The following COL23A1 variants were observed in gnomAD, a reference collection of about 807,000 sequenced individuals.
COL23A1 encodes collagen type XXIII alpha 1 chain, also known as collagen alpha-1(XXIII) chain.
In COL23A1, 97 loss-of-function variants were observed where a neutral mutation model predicts 99.3. The ratio of observed to expected loss-of-function variants is 0.98; its 90% CI spans 0.83 to 1.16. The LOEUF (loss-of-function observed/expected upper bound fraction) is 1.16. Among genes scored for constraint, COL23A1 ranks in the 50% most tolerant of loss-of-function variants. The pLI, the probability that COL23A1 is intolerant of heterozygous loss-of-function variation, is 0.00. For missense variants in COL23A1, 762 were observed against 757.4 expected (o/e 1.01, Z -0.07); for synonymous variants, 320 against 308.2 (o/e 1.04, Z -0.40).
chr5:178,433,943 G>T (rs931881921), intron 2 of COL23A1, among the ~76,000 whole-genome samples: 5 of 152,204 alleles, frequency 3.3e-5, no homozygotes, highest in Non-Finnish European at 5.9e-5. Flanking sequence ...ACACACAGAA[G>T]GACGGCCATG....
At chr5:178,533,279 A>G (rs935834477) in intron 2 of COL23A1, among the ~76,000 whole-genome samples, 2 of 152,236 alleles carry the variant, frequency 1.3e-5, no homozygotes, top group Non-Finnish European at 2.9e-5. Context: ...AATGTTGTGC[A>G]ACCATCACCA....
At chr5:178,249,041 A>G (rs1187859681) in intron 19 of COL23A1, 76 bp downstream of exon 19, 1 of 1,478,594 alleles carries the variant, frequency 6.8e-7, no homozygotes, top group East Asian at 2.3e-5. Context: ...TGGCCTCCCC[A>G]CAGCACGGGG....
At chr5:178,579,800 T>A (rs1045967130) in intron 1 of COL23A1, among the ~76,000 whole-genome samples, 3 of 152,118 alleles carry the variant, frequency 2.0e-5, no homozygotes, top group Admixed American at 6.6e-5. Context: ...CTTACAGATG[T>A]CTACAAGGAT....
chr5:178,344,990 G>A, intron 2 of COL23A1: 1 of 582,146 alleles, frequency 1.7e-6, no homozygotes, highest in South Asian at 1.5e-5. Context: ...GGAACCTATT[G>A]CAGTGTGTCC....
chr5:178,341,017 C>T (rs1581182371), intron 2 of COL23A1, among the ~76,000 whole-genome samples: 2 of 152,204 alleles, frequency 1.3e-5, no homozygotes, highest in Admixed American at 6.5e-5. Flanking sequence ...AACTGAGTCC[C>T]TTGAGCTGAG....
intron 2 of COL23A1, among the ~76,000 whole-genome samples, chr5:178,483,955 G>A (rs1222153274): frequency 6.6e-6 from 1 of 150,804 alleles, no homozygotes. Context: ...TTTTTTCTTT[G>A]AGGCAGAGTT....
Position 178,290,388 on chromosome 5 carries a change from G to T in COL23A1, c.407-19C>A. ...GGAGGACCTGCAAAACACAAGCAGA[G>T]AAGCCACAGTCAGTGTGGAAGGCAG... On this transcript the variant is annotated intron_variant, in intron 3 of 28. Transcript: ENST00000390654. 1.2e-6 allele frequency: 2 copies of T among 1,612,692 alleles called. No individual in the cohort carries two copies. The highest frequency in any genetic ancestry group is 1.7e-6 in the Non-Finnish European group (2 of 1,179,990).
At chr5:178,371,949 A>G (rs2127722910) in intron 2 of COL23A1, among the ~76,000 whole-genome samples, 1 of 152,346 alleles carries the variant, frequency 6.6e-6, no homozygotes, top group Non-Finnish European at 1.5e-5. Flanking sequence ...GAAAAGAAAA[A>G]TTGAGCCTGG....
Position 178,454,416 on chromosome 5 carries a change from T to C in COL23A1, c.361+106266A>G, listed in dbSNP as rs529514495. The stretch of plus-strand genomic sequence containing the variant: ...GGCTGCGTGCTGTCAGCTAAAAACA[T>C]GCCTCCAGGAACAGGATGTGCATTG... On this transcript the variant is annotated intron_variant, in intron 2 of 28. Transcript: ENST00000390654. 1.6e-4 allele frequency among the ~76,000 whole-genome samples: 25 copies of C among 152,278 alleles called. No homozygotes were observed. In the East Asian group the frequency reaches 2.5e-3, roughly 15 times the overall value.
At chr5:178,388,872 G>C (rs1028482469) in intron 2 of COL23A1, among the ~76,000 whole-genome samples, 34 of 152,216 alleles carry the variant, frequency 2.2e-4, no homozygotes, top group Non-Finnish European at 2.9e-5. Context: ...AGGGCCTTTA[G>C]TATGCTAACA....
At chr5:178,245,873 T>C (rs1764665190) in intron 25 of COL23A1, 69 bp downstream of exon 25, 1 of 1,547,244 alleles carries the variant, frequency 6.5e-7, no homozygotes, top group Admixed American at 1.7e-5. Context: ...CCAGATCAGG[T>C]TACTGCATGA....
intron 2 of COL23A1, among the ~76,000 whole-genome samples, chr5:178,389,883 C>T (rs991069312): frequency 2.0e-5 from 3 of 152,228 alleles, no homozygotes; most frequent in African/African-American, 2.4e-5. Context: ...CCCTCCTGAG[C>T]CGTTCTGAAG....
At chr5:178,249,045 C>T (rs1764868003) in intron 19 of COL23A1, 72 bp downstream of exon 19, 8 of 1,496,062 alleles carry the variant, frequency 5.3e-6, no homozygotes, top group South Asian at 4.5e-5. Context: ...CTCCCCACAG[C>T]ACGGGGGGCA....
intron 2 of COL23A1, among the ~76,000 whole-genome samples, chr5:178,371,164 T>A (rs1034982862): frequency 5.3e-5 from 8 of 152,164 alleles, no homozygotes; most frequent in Admixed American, 5.2e-4. Context: ...CAATTAAAAA[T>A]AAATACATAA....
At chr5:178,408,826 G>A (rs1764893255) in intron 2 of COL23A1, among the ~76,000 whole-genome samples, 1 of 151,750 alleles carries the variant, frequency 6.6e-6, no homozygotes, top group Admixed American at 6.6e-5. Flanking sequence ...GTGGTGGCAG[G>A]AGCCTGTAAT....
intron 1 of COL23A1, among the ~76,000 whole-genome samples, chr5:178,568,704 T>TCA (rs1762949919): frequency 6.6e-6 from 1 of 152,368 alleles, no homozygotes; most frequent in East Asian, 1.9e-4. Flanking sequence ...CCTTGCCCTT[T>TCA]GTCTGGTTCC....
At chr5:178,535,548 G>A (rs1056215982) in intron 2 of COL23A1, among the ~76,000 whole-genome samples, 3 of 152,376 alleles carry the variant, frequency 2.0e-5, no homozygotes, top group Non-Finnish European at 2.9e-5. Context: ...CCCAGCTGGC[G>A]GCTCACAGGG....
At chr5:178,241,817 G>A (rs961425478) in intron 27 of COL23A1, among the ~76,000 whole-genome samples, 1 of 152,238 alleles carries the variant, frequency 6.6e-6, no homozygotes, top group African/African-American at 2.4e-5. Context: ...CAGAGGGGCT[G>A]GGTTCCCTGA....
chr5:178,318,162 A>T (rs1475305936), intron 2 of COL23A1, among the ~76,000 whole-genome samples: 3 of 152,324 alleles, frequency 2.0e-5, no homozygotes, highest in Admixed American at 6.5e-5. Flanking sequence ...TCTACCAAAA[A>T]AGGCCCTCTT....
Sources: allele counts gnomAD v4.1 joint callset (sites outside exome capture counted in the v4.1 genomes callset), GRCh38; gene constraint gnomAD v4.1.1; transcripts MANE v1.5; gene names NCBI Gene and HGNC (gene_info 2026-07-23, HGNC 2026-07-21).